SVEP1: variants seen among roughly 807,000 people sequenced by gnomAD.
SVEP1 encodes sushi, von Willebrand factor type A, EGF and pentraxin domain-containing protein 1.
A neutral mutation model predicts 367.3 loss-of-function variants in SVEP1; 164 were observed. That is an observed-to-expected ratio of 0.45 (90% confidence interval 0.39 to 0.51). SVEP1 has a LOEUF of 0.51. Among genes scored for constraint, SVEP1 ranks in the 20% least tolerant of loss-of-function variants. SVEP1 has a pLI of 0.00. For missense variants in SVEP1, 4,117 were observed against 4,425.3 expected (o/e 0.93, Z 1.98); for synonymous variants, 1,666 against 1,611.6 (o/e 1.03, Z -0.81).
At chr9:110,385,859 G>C (rs377045629) in intron 43 of SVEP1, 39 bp downstream of exon 43, 1 of 1,587,652 alleles carries the variant, frequency 6.3e-7, no homozygotes, top group Admixed American at 1.8e-5. Flanking sequence ...AAAACATTTC[G>C]CACTAGCGGC....
intron 1 of SVEP1, among the ~76,000 whole-genome samples, chr9:110,554,013 GACT>G (rs1564175110): frequency 1.3e-5 from 2 of 152,040 alleles, no homozygotes; most frequent in Non-Finnish European, 2.9e-5. Flanking sequence ...GTGACATAGA[GACT>G]ACTTTTACTT....
intron 28 of SVEP1, 25 bp from the exon 29 acceptor site, chr9:110,435,389 T>C: frequency 6.2e-7 from 1 of 1,610,382 alleles, no homozygotes; most frequent in Non-Finnish European, 8.5e-7. Context: ...ACACTTTAGA[T>C]AAGCCTTACT....
Position 110,416,239 on chromosome 9 carries a change from A to T in SVEP1, c.5976-4504T>A, listed in dbSNP as rs112578202. ...GATAATAGAAAAAAAGCTCTAAAAT[A>T]TAAAAAATAGTATGAAATAAGTATG... On this transcript the variant is annotated intron_variant, in intron 36 of 47. Coordinates refer to ENST00000374469, the MANE Select transcript of SVEP1 (RefSeq NM_153366.4). Among the ~76,000 whole-genome samples, 786 of 152,144 alleles carry T rather than the reference A, an allele frequency of 5.2e-3. 16 individuals are homozygous for T. The highest frequency in any genetic ancestry group is 0.018 in the African/African-American group (742 of 41,416).
intron 9 of SVEP1, among the ~76,000 whole-genome samples, chr9:110,488,436 TGAGG>T (rs1162770885): frequency 6.6e-6 from 1 of 151,558 alleles, no homozygotes; most frequent in African/African-American, 2.4e-5. Flanking sequence ...AGAATTAGCC[TGAGG>T]AAGAGAAGCC....
chr9:110,570,754 T>C (rs1248229468), intron 1 of SVEP1, among the ~76,000 whole-genome samples: 1 of 152,112 alleles, frequency 6.6e-6, no homozygotes, highest in African/African-American at 2.4e-5. Flanking sequence ...GTGCTGGGAT[T>C]ATAGGCATGA....
At chr9:110,569,300 T>C (rs1351114060) in intron 1 of SVEP1, among the ~76,000 whole-genome samples, 3 of 151,550 alleles carry the variant, frequency 2.0e-5, no homozygotes, top group Admixed American at 6.6e-5. Context: ...CTACTAAAAA[T>C]ACAAAATTAG....
chr9:110,568,455 A>T (rs867575153), intron 1 of SVEP1, among the ~76,000 whole-genome samples: 4 of 152,230 alleles, frequency 2.6e-5, no homozygotes, highest in Non-Finnish European at 5.9e-5. Context: ...TTTAGGATTT[A>T]TACTTTTATT....
rs1324250547 is a variant in SVEP1, at chr9:110,450,200, A to G, written c.3962T>C (p.Val1321Ala). 2 of 1,613,652 alleles carry G rather than the reference A, an allele frequency of 1.2e-6. No homozygotes were observed. Among genetic ancestry groups the G allele is most frequent in the Admixed American group, 3.3e-5 (2 of 59,974 alleles). Residue 1321 changes from valine (V) to alanine (A), a missense_variant, in exon 24 of 48, where the codon GTC becomes GCC. Physicochemically the swap from Val to Ala is moderately conservative, Grantham distance 64. This residue lies in a region of SVEP1 where 2,174 missense variants were observed against 2,494.3 expected (regional missense o/e 0.87). Transcript: ENST00000374469. ...CQSNPCLNNA[V>A]CEDQVGGFLC... is the part of the protein sequence containing the mutation. ...GAATCCCCCAACCTGGTCTTCACAGACTGCATTATTTAAGCATGGGTTTGA... is the reference window on the plus strand; with the variant it reads ...GAATCCCCCAACCTGGTCTTCACAGGCTGCATTATTTAAGCATGGGTTTGA...
chr9:110,549,804 G>T, intron 2 of SVEP1, 45 bp downstream of exon 2: 1 of 1,602,806 alleles, frequency 6.2e-7, no homozygotes, highest in South Asian at 1.1e-5. Context: ...AGGCAAGGAA[G>T]CCTCATTTAA....
At position 110,365,533 on chromosome 9, in the gene SVEP1, C is replaced by T. The variant is rs1232147181; in HGVS notation, c.*1006G>A. The T allele has an allele frequency of 5.3e-5, 8 of 152,196 alleles. No individual in the cohort carries two copies. The highest frequency in any genetic ancestry group is 1.7e-4 in the African/African-American group (7 of 41,420). The allele number at this position is 152,196 out of a possible 1,614,324, so 9.4% of individuals were successfully genotyped here. A position where few individuals can be genotyped will look rare whatever the true frequency, so the allele number is the denominator to read the frequency against. ...TTTTAAAACAAAATCTAGGGTTTGA[C>T]TTTATTTTCTGAAGTCTGGGGAAGG... On this transcript the variant is annotated 3_prime_UTR_variant, in exon 48 of 48. Transcript: ENST00000374469.
intron 42 of SVEP1, among the ~76,000 whole-genome samples, chr9:110,386,781 T>TTACTACATTATGA (rs1827530528): frequency 6.6e-6 from 1 of 152,268 alleles, no homozygotes; most frequent in African/African-American, 2.4e-5. Context: ...ACTTCCGCTG[T>TTACTACATTATGA]TACTACATTA....
intron 36 of SVEP1, among the ~76,000 whole-genome samples, chr9:110,413,975 C>A (rs1828081922): frequency 1.3e-5 from 2 of 152,044 alleles, no homozygotes; most frequent in Admixed American, 1.3e-4. Context: ...GGCTTAGAAA[C>A]TTGCCTGAAG....
At chr9:110,431,258 C>G (rs1828345290) in intron 32 of SVEP1, among the ~76,000 whole-genome samples, 2 of 152,104 alleles carry the variant, frequency 1.3e-5, no homozygotes, top group Admixed American at 1.3e-4. Context: ...AATTATAAAA[C>G]AGGAATTAAA....
intron 15 of SVEP1, 49 bp downstream of exon 15, chr9:110,472,110 C>A: frequency 6.4e-7 from 1 of 1,551,600 alleles, no homozygotes; most frequent in South Asian, 1.2e-5. Context: ...GGTTTCCAAC[C>A]AAGAATTTTC....
intron 12 of SVEP1, among the ~76,000 whole-genome samples, 178 bp from the exon 13 acceptor site, chr9:110,479,934 T>C (rs1356531401): frequency 1.3e-5 from 2 of 152,150 alleles, no homozygotes; most frequent in African/African-American, 4.8e-5. Context: ...TAATAAACCA[T>C]GCACCAAGCA....
intron 1 of SVEP1, among the ~76,000 whole-genome samples, chr9:110,559,979 G>T (rs539372476): frequency 6.6e-5 from 10 of 152,218 alleles, no homozygotes; most frequent in Non-Finnish European, 8.8e-5. Flanking sequence ...GAAATGTACT[G>T]TATGTCTGTT....
Position 110,443,730 on chromosome 9 carries a change from GAA to G in SVEP1, c.4464-12_4464-11del, listed in dbSNP as rs778197903. 1.1e-5 allele frequency: 17 copies of G among 1,570,164 alleles called. No homozygotes were observed. Among genetic ancestry groups the G allele is most frequent in the Non-Finnish European group, 1.2e-5 (14 of 1,155,924 alleles). ...CACATAAAGAACCCAGCTGTAGAGA[GAA>G]AGATTCCAGGGAATGTAGTCATTAG... On this transcript the variant is annotated splice_polypyrimidine_tract_variant and intron_variant, in intron 26 of 47. Coordinates refer to ENST00000374469, the MANE Select transcript of SVEP1 (RefSeq NM_153366.4).
chr9:110,568,445 T>C (rs1013342479), intron 1 of SVEP1, among the ~76,000 whole-genome samples: 2 of 152,228 alleles, frequency 1.3e-5, no homozygotes, highest in Non-Finnish European at 2.9e-5. Context: ...AATATTTCGT[T>C]TTAGGATTTA....
intron 26 of SVEP1, 107 bp downstream of exon 26, chr9:110,445,730 C>G: frequency 8.0e-7 from 1 of 1,250,782 alleles, no homozygotes; most frequent in African/African-American, 1.5e-5. Flanking sequence ...CTGCTGTTTT[C>G]TGGGAACACC....
Sources: gnomAD v4.1 joint callset for allele counts (sites outside exome capture counted in the v4.1 genomes callset) on GRCh38, gnomAD v4.1.1 for gene constraint, gnomAD v4.1.1 regional missense constraint, MANE v1.5 for transcripts, NCBI Gene and HGNC (gene_info 2026-07-23, HGNC 2026-07-21) for gene names.